Variants in CAMKK1 observed in about 807,000 individuals in gnomAD.
The protein encoded by CAMKK1 is calcium/calmodulin-dependent protein kinase kinase 1.
CAMKK1 carries 20 observed loss-of-function variants against 63.5 expected under a neutral mutation model. That is an observed-to-expected ratio of 0.32 (90% CI 0.22 to 0.46). The LOEUF is 0.46. Ranked by LOEUF, CAMKK1 falls within the 20% of genes least tolerant of loss-of-function variation. The pLI is 1.00. For synonymous variants in CAMKK1, 253 were observed against 269.0 expected, an observed-to-expected ratio of 0.94 and a Z score of 0.58; for missense variants, 588 against 658.1, an observed-to-expected ratio of 0.89 and a Z score of 1.17.
At chr17:3,881,725 G>T in intron 7 of CAMKK1, 77 bp from the exon 8 acceptor site, 1 of 1,335,792 alleles carries the variant, frequency 7.5e-7, no homozygotes, top group Non-Finnish European at 1.1e-6. Context: ...CTGTTCTGGA[G>T]GGTAGGAGAG....
chr17:3,884,549 A>G lies in CAMKK1; in HGVS notation c.361-122T>C, dbSNP rs573966563. ...CCTCATTCCCGGACCCCCAGGTCTCACCAAGCTTTTGAGTTTGGATGGGGA... is the reference window on the plus strand; with the variant it reads ...CCTCATTCCCGGACCCCCAGGTCTCGCCAAGCTTTTGAGTTTGGATGGGGA... On this transcript the variant is annotated intron_variant, in intron 2 of 15. Coordinates refer to ENST00000348335, the MANE Select transcript of CAMKK1 (RefSeq NM_032294.3). The surrounding 1 kb of genome is among the most constrained non-coding windows in gnomAD (Gnocchi z 4.5). 2.0e-4 allele frequency: 172 copies of G among 870,900 alleles called. 1 individual carries two copies. Among genetic ancestry groups the G allele is most frequent in the Admixed American group, 1.1e-4 (4 of 37,616 alleles). The allele number at this position is 870,900 out of a possible 1,614,324, so 53.9% of individuals were successfully genotyped here.
Position 3,879,159 on chromosome 17 carries a change from A to G in CAMKK1, c.796+1187T>C, listed in dbSNP as rs2055298153. ...GGGCATCTCCCCTGGTCCCCAACCC[A>G]CGCCAGGACCCTAGGTGTCTAGGGG... On this transcript the variant is annotated intron_variant, in intron 9 of 15. Transcript: ENST00000348335. The surrounding 1 kb of genome is among the most constrained non-coding windows in gnomAD (Gnocchi z 4.5). 6.6e-6 allele frequency: 1 copy of G among 152,182 alleles called. No individual in the cohort carries two copies. The highest frequency in any genetic ancestry group is 1.5e-5 in the Non-Finnish European group (1 of 68,102). 9.4% of individuals were successfully genotyped at this position (152,182 alleles called of 1,614,324 possible).
chr17:3,873,593 C>T (rs559832181), intron 10 of CAMKK1, 131 bp from the exon 11 acceptor site: 20 of 880,206 alleles, frequency 2.3e-5, no homozygotes, highest in African/African-American at 4.9e-5. Context: ...ACAAACACTC[C>T]GCGGTACTTG....
Position 3,873,415 on chromosome 17 carries a change from A to G in CAMKK1, c.1044T>C (p.Tyr348=). The G allele has an allele frequency of 1.9e-6, 3 of 1,614,054 alleles. No individual in the cohort carries two copies. Among genetic ancestry groups the G allele is most frequent in the South Asian group, 1.1e-5 (1 of 91,084 alleles). ...TGGCATCCCTGGCACTCACCTTCCC[A>G]TAGACAAAGCAGTACAACGTGACGC... The part of the protein sequence containing the change: ...ATGVTLYCFV[Y]GKCPFIDDFI... The change falls in exon 11 of 16, where the codon TAT becomes TAC. Residue 348 remains tyrosine, a synonymous_variant. Transcript: ENST00000348335.
chr17:3,885,264 G>A, intron 2 of CAMKK1, 64 bp downstream of exon 2: 2 of 1,475,706 alleles, frequency 1.4e-6, no homozygotes, highest in Non-Finnish European at 1.8e-6. Flanking sequence ...ACAGGGGCAG[G>A]AAAGAGTCTT....
At chr17:3,868,168 G>GGGGAGAA (rs1369243103) in intron 14 of CAMKK1, among the ~76,000 whole-genome samples, 1 of 8,568 alleles carries the variant, frequency 1.2e-4, no homozygotes. Context: ...CTGATACGTG[G>GGGGAGAA]GCTCTGGGGG....
intron 14 of CAMKK1, among the ~76,000 whole-genome samples, chr17:3,868,851 C>T (rs1370149868): frequency 1.3e-5 from 2 of 151,644 alleles, no homozygotes; most frequent in African/African-American, 2.4e-5. Context: ...GGTGGGGTTT[C>T]GCCGTATTAG....
At chr17:3,891,087 G>A (rs1330862483) in intron 1 of CAMKK1, among the ~76,000 whole-genome samples, 1 of 146,646 alleles carries the variant, frequency 6.8e-6, no homozygotes, top group Non-Finnish European at 1.5e-5. Context: ...GAGCAGAAGT[G>A]GCCTCAGACT....
Position 3,883,755 on chromosome 17 carries a change from T to A in CAMKK1, c.462+129A>T, listed in dbSNP as rs2055519214. 2.3e-6 allele frequency: 2 copies of A among 870,120 alleles called. No individual in the cohort carries two copies. Among genetic ancestry groups the A allele is most frequent in the Admixed American group, 1.9e-5 (1 of 53,986 alleles). The allele number at this position is 870,120 out of a possible 1,614,324, so 53.9% of individuals were successfully genotyped here. On this transcript the variant is annotated intron_variant, in intron 4 of 15. Coordinates refer to ENST00000348335, the MANE Select transcript of CAMKK1 (RefSeq NM_032294.3). The surrounding 1 kb of genome is among the most constrained non-coding windows in gnomAD (Gnocchi z 4.7). ...GGGTTAGGAAGCTCATTCCTTTGCA[T>A]ACCCCTAGGGACAGGGAGCTCACTC...
In CAMKK1 at chr17:3,882,170, C is replaced by T; in HGVS notation, c.685+358G>A. Reference sequence around the variant, plus strand: ...CACAGGAACCCTATGAGGTAGACACCACTAGTATCCCTGTTTTATAGGTGG... The same window carrying T: ...CACAGGAACCCTATGAGGTAGACACTACTAGTATCCCTGTTTTATAGGTGG... On this transcript the variant is annotated intron_variant, in intron 7 of 15. Transcript: ENST00000348335. This position sits in a 1 kb window ranked among gnomAD's most constrained non-coding sequence, Gnocchi z 4.3. 1 of 867,860 alleles carries T rather than the reference C, an allele frequency of 1.2e-6. No homozygotes were observed. The allele number at this position is 867,860 out of a possible 1,614,324, so 53.8% of individuals were successfully genotyped here.
At chr17:3,877,992 C>T (rs1277309247) in intron 9 of CAMKK1, among the ~76,000 whole-genome samples, 2 of 152,162 alleles carry the variant, frequency 1.3e-5, no homozygotes, top group African/African-American at 4.8e-5. Flanking sequence ...CAAAGCAAAA[C>T]AAAACGCCCC....
At chr17:3,869,645 G>C (rs775683438) in intron 13 of CAMKK1, 30 bp from the exon 14 acceptor site, 3 of 1,613,964 alleles carry the variant, frequency 1.9e-6, no homozygotes, top group Non-Finnish European at 2.5e-6. Flanking sequence ...AGGGAGAGGG[G>C]GAGAGGTCAG....
chr17:3,873,538 G>T (rs905102456), intron 10 of CAMKK1, 76 bp from the exon 11 acceptor site: 4 of 1,423,286 alleles, frequency 2.8e-6, no homozygotes, highest in Non-Finnish European at 4.0e-6. Flanking sequence ...CGGGCTGCAG[G>T]AGAGGCCTGC....
At chr17:3,865,726 A>G in intron 15 of CAMKK1, 182 bp downstream of exon 15, 2 of 1,424,502 alleles carry the variant, frequency 1.4e-6, no homozygotes, top group Non-Finnish European at 1.8e-6. Context: ...TGGGCCCAAA[A>G]GGTCCCTTCT....
rs772538139 is a variant in CAMKK1 at position 3,884,049 on chromosome 17, C to T, written c.409-112G>A. ...TCTCTCCTGCACCCCATCTGCACTA[C>T]CCACCACCAGCTGGCTCACGGGCAA... On this transcript the variant is annotated intron_variant, in intron 3 of 15. Coordinates refer to ENST00000348335, the MANE Select transcript of CAMKK1 (RefSeq NM_032294.3). This position sits in a 1 kb window ranked among gnomAD's most constrained non-coding sequence, Gnocchi z 4.5. 6 of 1,030,804 alleles carry T rather than the reference C, an allele frequency of 5.8e-6. No homozygotes were observed. The highest frequency in any genetic ancestry group is 7.4e-6 in the Non-Finnish European group (5 of 674,714). The allele number at this position is 1,030,804 out of a possible 1,614,324, so 63.9% of individuals were successfully genotyped here. A position where few individuals can be genotyped will look rare whatever the true frequency, so the allele number is the denominator to read the frequency against.
In CAMKK1 at chr17:3,885,370, C is replaced by A; in HGVS notation, c.318G>T (p.Arg106Ser). The change falls in exon 2 of 16, where the codon AGG (arginine) becomes AGT (serine). Residue 106 changes from arginine (R) to serine (S), a missense_variant. Transcript: ENST00000348335. ...CCACGTGGTGGGACTCGATGGTGGG[C>A]CTCCGCCAGGCCCGGGGGGAGATGT... ...ASHISPRAWR[R>S]PTIESHHVAI... 1.2e-6 allele frequency: 2 copies of A among 1,608,438 alleles called. No individual in the cohort carries two copies. Among genetic ancestry groups the A allele is most frequent in the South Asian group, 2.2e-5 (2 of 90,742 alleles).
At chr17:3,869,181 T>A (rs938109877) in intron 14 of CAMKK1, among the ~76,000 whole-genome samples, 1 of 151,500 alleles carries the variant, frequency 6.6e-6, no homozygotes, top group Non-Finnish European at 1.5e-5. Flanking sequence ...ATGGTCTCGA[T>A]CTCCTGACCT....
At position 3,883,191 on chromosome 17, in the gene CAMKK1, G is replaced by A. The variant is rs769245152; in HGVS notation, c.515-16C>T. ...GGAGGGCGACCTGTGACCAGGAAGA[G>A]AACTCAAACACCTGTTCCAGGTGGC... On this transcript the variant is annotated splice_polypyrimidine_tract_variant and intron_variant, in intron 5 of 15. Coordinates refer to ENST00000348335, the MANE Select transcript of CAMKK1 (RefSeq NM_032294.3). This position sits in a 1 kb window ranked among gnomAD's most constrained non-coding sequence, Gnocchi z 4.7. 8.7e-6 allele frequency: 14 copies of A among 1,608,194 alleles called. No homozygotes were observed. The South Asian group carries it at 1.2e-4, about 14-fold the overall frequency.
chr17:3,885,996 A>G (rs544268177), intron 1 of CAMKK1, among the ~76,000 whole-genome samples: 13 of 152,232 alleles, frequency 8.5e-5, no homozygotes, highest in Non-Finnish European at 1.8e-4. Context: ...GGAAGCAGAG[A>G]GAATCTGATA....
Sources: allele counts gnomAD v4.1 joint callset (sites outside exome capture counted in the v4.1 genomes callset), GRCh38; gene constraint gnomAD v4.1.1; non-coding constraint Gnocchi (gnomAD v3.1); transcripts MANE v1.5; gene names NCBI Gene and HGNC (gene_info 2026-07-23, HGNC 2026-07-21).